The following PTPRD variants were observed in gnomAD, a reference collection of about 807,000 sequenced individuals.
The protein encoded by PTPRD is receptor-type tyrosine-protein phosphatase delta.
A neutral mutation model predicts 214.5 loss-of-function variants in PTPRD; 34 were observed. The ratio of observed to expected loss-of-function variants is 0.16; its 90% CI spans 0.12 to 0.21. The LOEUF (loss-of-function observed/expected upper bound fraction) is 0.21, where lower values mean the gene tolerates loss of function less well. Among genes scored for constraint, PTPRD ranks in the 10% least tolerant of loss-of-function variants. PTPRD has a pLI of 1.00. For missense variants in PTPRD, 2,545 were observed against 2,398.7 expected, an observed-to-expected ratio of 1.06 and a Z score of -1.27; for synonymous variants, 1,128 against 845.7, an observed-to-expected ratio of 1.33 and a Z score of -5.79.
At chr9:10,119,200 C>A (rs1202580718) in intron 3 of PTPRD, among the ~76,000 whole-genome samples, 1 of 151,866 alleles carries the variant, frequency 6.6e-6, no homozygotes, top group Non-Finnish European at 1.5e-5. Context: ...GAGCTAACCC[C>A]CCCTTTTTTA....
chr9:8,606,399 T>C (rs1261532725), intron 14 of PTPRD, among the ~76,000 whole-genome samples: 1 of 152,146 alleles, frequency 6.6e-6, no homozygotes, highest in Non-Finnish European at 1.5e-5. Flanking sequence ...GTGAATAGCA[T>C]CTTACAGGGG....
intron 11 of PTPRD, among the ~76,000 whole-genome samples, chr9:8,766,828 T>C (rs2094790146): frequency 6.6e-6 from 1 of 152,186 alleles, no homozygotes; most frequent in Admixed American, 6.6e-5. Context: ...TATTTAGAAG[T>C]TTCGTGATGT....
chr9:9,989,037 A>AAAAAAAAAAAAAAC (rs1555436290), intron 4 of PTPRD, among the ~76,000 whole-genome samples: 3 of 121,364 alleles, frequency 2.5e-5, no homozygotes, highest in Non-Finnish European at 1.9e-5. Flanking sequence ...AAAAAAAAAA[A>AAAAAAAAAAAAAAC]AAAAAAAACC....
intron 34 of PTPRD, among the ~76,000 whole-genome samples, chr9:8,447,054 T>G (rs1020190342): frequency 6.6e-6 from 1 of 152,236 alleles, no homozygotes; most frequent in Non-Finnish European, 1.5e-5. Context: ...GGCCACAACA[T>G]AGAGCTTGGA....
At chr9:9,653,348 CAAAAAAAAAAAAAAAAAA>C (rs1175875551) in intron 7 of PTPRD, among the ~76,000 whole-genome samples, 9 of 32,488 alleles carry the variant, frequency 2.8e-4, no homozygotes, top group East Asian at 3.5e-3. Flanking sequence ...GACTCCGTCT[CAAAAAAAAAAAAAAAAAA>C]AAAAAAAAAA....
At chr9:10,351,663 CTTT>C (rs33924476) in intron 2 of PTPRD, among the ~76,000 whole-genome samples, 1 of 144,364 alleles carries the variant, frequency 6.9e-6, no homozygotes. Flanking sequence ...TTAATTCTAA[CTTT>C]TTTTTTTTTT....
At chr9:10,558,632 G>C (rs1566928492) in intron 2 of PTPRD, among the ~76,000 whole-genome samples, 1 of 152,044 alleles carries the variant, frequency 6.6e-6, no homozygotes, top group Admixed American at 6.6e-5. Flanking sequence ...GTCACTTTTT[G>C]TCTACCTACC....
chr9:8,522,722 A>C (rs886459863), intron 19 of PTPRD, among the ~76,000 whole-genome samples: 2 of 152,206 alleles, frequency 1.3e-5, no homozygotes, highest in African/African-American at 4.8e-5. Flanking sequence ...TGATACAAGG[A>C]GAAAGTGAAA....
intron 12 of PTPRD, among the ~76,000 whole-genome samples, chr9:8,688,482 A>G (rs529927499): frequency 7.3e-5 from 11 of 151,658 alleles, no homozygotes; most frequent in East Asian, 3.9e-4. Flanking sequence ...GGAGAATGGC[A>G]TGAACCCAGG....
intron 2 of PTPRD, among the ~76,000 whole-genome samples, chr9:10,347,564 C>A (rs990263828): frequency 5.9e-5 from 9 of 151,994 alleles, no homozygotes; most frequent in African/African-American, 1.7e-4. Flanking sequence ...GTGTCTGCCA[C>A]TACACCCGGC....
chr9:9,614,853 G>A (rs1312835489), intron 7 of PTPRD, among the ~76,000 whole-genome samples: 1 of 152,104 alleles, frequency 6.6e-6, no homozygotes, highest in Non-Finnish European at 1.5e-5. Context: ...GCATTCGTTA[G>A]GCATATCTGC....
chr9:8,369,225 T>C (rs1470345748), intron 39 of PTPRD, among the ~76,000 whole-genome samples: 1 of 152,140 alleles, frequency 6.6e-6, no homozygotes, highest in Non-Finnish European at 1.5e-5. Context: ...CACAGCACTC[T>C]TAGCTTCTTT....
At chr9:10,418,682 A>G (rs1302029511) in intron 2 of PTPRD, among the ~76,000 whole-genome samples, 1 of 151,826 alleles carries the variant, frequency 6.6e-6, no homozygotes, top group East Asian at 1.9e-4. Flanking sequence ...CTTTATTTCC[A>G]GGGCCTAGGT....
intron 14 of PTPRD, among the ~76,000 whole-genome samples, chr9:8,548,373 T>C (rs535027682): frequency 6.6e-6 from 1 of 152,018 alleles, no homozygotes; most frequent in East Asian, 1.9e-4. Flanking sequence ...AGCTGGAATT[T>C]TGTTTTTTTT....
At chr9:10,170,359 A>G (rs1167068752) in intron 3 of PTPRD, among the ~76,000 whole-genome samples, 1 of 152,186 alleles carries the variant, frequency 6.6e-6, no homozygotes, top group Non-Finnish European at 1.5e-5. Context: ...AAATAAAATT[A>G]AATTATTCTT....
intron 5 of PTPRD, among the ~76,000 whole-genome samples, chr9:9,843,905 A>G (rs1291599717): frequency 1.3e-5 from 2 of 152,032 alleles, no homozygotes; most frequent in Admixed American, 1.3e-4. Context: ...CCATGACAAC[A>G]TGGCTCAGTT....
chr9:9,841,543 T>C (rs895738019), intron 5 of PTPRD, among the ~76,000 whole-genome samples: 10 of 152,122 alleles, frequency 6.6e-5, no homozygotes, highest in Non-Finnish European at 1.3e-4. Flanking sequence ...ATTTCTGTTA[T>C]TAGAATATAT....
chr9:10,183,646 T>C (rs1268172176), intron 3 of PTPRD, among the ~76,000 whole-genome samples: 1 of 152,082 alleles, frequency 6.6e-6, no homozygotes, highest in East Asian at 1.9e-4. Flanking sequence ...CATCTAAGGC[T>C]GGAATTTAAA....
Position 9,685,973 on chromosome 9 carries a change from T to A in PTPRD, c.-287+48560A>T, listed in dbSNP as rs144858637. Among the ~76,000 whole-genome samples, 803 of 151,462 alleles carry A rather than the reference T, an allele frequency of 5.3e-3. 8 individuals carry two copies. The highest frequency in any genetic ancestry group is 0.019 in the African/African-American group (768 of 41,468). On this transcript the variant is annotated intron_variant, in intron 7 of 45. Transcript: ENST00000381196. ...ATAAATATCCAATTTTTTGGAAGTA[T>A]TGGTAACTGAAAAAATCTTCCTGAC...
Sources: allele counts gnomAD v4.1 joint callset (sites outside exome capture counted in the v4.1 genomes callset), GRCh38; gene constraint gnomAD v4.1.1; transcripts MANE v1.5; gene names NCBI Gene and HGNC (gene_info 2026-07-23, HGNC 2026-07-21).